The following CPED1 variants were observed in gnomAD, a reference collection of about 807,000 sequenced individuals.
CPED1 encodes the protein cadherin-like and PC-esterase domain-containing protein 1.
Under a neutral mutation model 128.2 loss-of-function variants are expected in CPED1, and 114 were observed. That is an observed-to-expected ratio of 0.89 (90% CI 0.76 to 1.04). CPED1 has a LOEUF of 1.04. Among genes scored for constraint, CPED1 ranks in the 50% least tolerant of loss-of-function variants. The probability of loss-of-function intolerance (pLI) is 0.00; values close to 1 mark genes in which losing one functional copy is unlikely to be tolerated. For missense variants in CPED1, 1,211 were observed against 1,207.1 expected (o/e 1.00, Z -0.05); for synonymous variants, 462 against 426.7 (o/e 1.08, Z -1.02).
intron 16 of CPED1, among the ~76,000 whole-genome samples, chr7:121,223,857 T>A (rs1282492102): frequency 6.6e-6 from 1 of 152,094 alleles, no homozygotes; most frequent in Non-Finnish European, 1.5e-5. Context: ...CTTTTCTTTT[T>A]TATTAGTCTT....
chr7:120,996,381 T>G (rs114734029), intron 2 of CPED1, among the ~76,000 whole-genome samples: 3 of 152,196 alleles, frequency 2.0e-5, no homozygotes, highest in Non-Finnish European at 4.4e-5. Flanking sequence ...TTTGTGAGTA[T>G]ACAGTTAAGT....
At chr7:121,236,867 A>T in intron 17 of CPED1, 36 bp downstream of exon 17, 1 of 1,193,418 alleles carries the variant, frequency 8.4e-7, no homozygotes, top group South Asian at 1.4e-5. Flanking sequence ...CTCTAAAAAA[A>T]GAATAATTTG....
intron 3 of CPED1, among the ~76,000 whole-genome samples, chr7:121,038,773 G>C (rs1563001426): frequency 6.6e-6 from 1 of 151,938 alleles, no homozygotes; most frequent in African/African-American, 2.4e-5. Context: ...GACCTTGACA[G>C]TTTTGAGAGG....
intron 3 of CPED1, among the ~76,000 whole-genome samples, chr7:121,040,614 T>A (rs192077429): frequency 7.9e-5 from 12 of 152,210 alleles, no homozygotes; most frequent in Non-Finnish European, 1.5e-4. Context: ...AAAGGATGGA[T>A]ACAGGTAAAT....
At chr7:121,201,480 GAGAC>G (rs1374790525) in intron 16 of CPED1, among the ~76,000 whole-genome samples, 3 of 151,036 alleles carry the variant, frequency 2.0e-5, no homozygotes, top group Non-Finnish European at 3.0e-5. Flanking sequence ...GGGAGAGTGA[GAGAC>G]AGAGAGAGAG....
chr7:121,271,279 A>G lies in CPED1; in HGVS notation c.2722-5A>G. On this transcript the variant is annotated splice_region_variant and splice_polypyrimidine_tract_variant and intron_variant, in intron 21 of 22. Transcript: ENST00000310396. Reference sequence around the variant, plus strand: ...AAAATTCTCATTCTTCTGCTTTCCAATCAGAGTGAAGTACAGAACTTATGG... The same window carrying G: ...AAAATTCTCATTCTTCTGCTTTCCAGTCAGAGTGAAGTACAGAACTTATGG... The G allele has an allele frequency of 1.2e-6, 2 of 1,600,334 alleles. No individual in the cohort carries two copies. Among genetic ancestry groups the G allele is most frequent in the Non-Finnish European group, 1.7e-6 (2 of 1,172,520 alleles).
chr7:121,233,623 C>G (rs1798186049), intron 16 of CPED1, among the ~76,000 whole-genome samples: 2 of 152,064 alleles, frequency 1.3e-5, no homozygotes, highest in Non-Finnish European at 2.9e-5. Flanking sequence ...GACCAAATTG[C>G]TGATCATCCC....
chr7:121,022,926 GA>G (rs1007869789), intron 3 of CPED1, among the ~76,000 whole-genome samples: 5 of 149,870 alleles, frequency 3.3e-5, no homozygotes, highest in East Asian at 1.9e-4. Context: ...TACTTCTCTA[GA>G]AAAAAAAGAC....
At chr7:120,993,074 T>C (rs2116730330) in intron 2 of CPED1, among the ~76,000 whole-genome samples, 1 of 152,382 alleles carries the variant, frequency 6.6e-6, no homozygotes, top group African/African-American at 2.4e-5. Context: ...TCACTTCTTC[T>C]GAGTTTTCTC....
intron 18 of CPED1, among the ~76,000 whole-genome samples, chr7:121,265,150 G>C (rs556885641): frequency 6.6e-6 from 1 of 152,130 alleles, no homozygotes; most frequent in East Asian, 1.9e-4. Context: ...ACTAACATAA[G>C]GAAAAGCAGA....
At chr7:121,107,391 C>G (rs1795004446) in intron 7 of CPED1, among the ~76,000 whole-genome samples, 1 of 151,974 alleles carries the variant, frequency 6.6e-6, no homozygotes, top group South Asian at 2.1e-4. Context: ...AATCTACTTG[C>G]CTAAATCTTT....
intron 16 of CPED1, among the ~76,000 whole-genome samples, chr7:121,199,405 C>T (rs1197115245): frequency 1.3e-5 from 2 of 151,716 alleles, no homozygotes; most frequent in African/African-American, 2.4e-5. Context: ...TAGGGCTGAG[C>T]GCGGTGGCTC....
At chr7:121,015,185 C>T (rs1005985973) in intron 2 of CPED1, among the ~76,000 whole-genome samples, 1 of 152,166 alleles carries the variant, frequency 6.6e-6, no homozygotes. Flanking sequence ...CACTGTTTAT[C>T]TACAAAGAGC....
At chr7:121,226,437 A>G (rs1798015476) in intron 16 of CPED1, among the ~76,000 whole-genome samples, 1 of 152,094 alleles carries the variant, frequency 6.6e-6, no homozygotes, top group Non-Finnish European at 1.5e-5. Flanking sequence ...TCTAAGAATT[A>G]CAAAATATTT....
chr7:121,027,321 T>C (rs1792617012), intron 3 of CPED1, among the ~76,000 whole-genome samples: 1 of 152,192 alleles, frequency 6.6e-6, no homozygotes, highest in Non-Finnish European at 1.5e-5. Context: ...TCTCCCCTTT[T>C]GTATTATAAA....
At chr7:121,288,876 C>G (rs923089904) in intron 22 of CPED1, among the ~76,000 whole-genome samples, 2 of 152,080 alleles carry the variant, frequency 1.3e-5, no homozygotes, top group African/African-American at 4.8e-5. Context: ...ATTTCAAGGT[C>G]GAATGTTATA....
At chr7:120,997,271 A>G (rs1448314570) in intron 2 of CPED1, among the ~76,000 whole-genome samples, 2 of 152,250 alleles carry the variant, frequency 1.3e-5, no homozygotes, top group Non-Finnish European at 2.9e-5. Flanking sequence ...AGAATGTTAG[A>G]ACTGCAAATA....
intron 7 of CPED1, among the ~76,000 whole-genome samples, chr7:121,114,901 A>G (rs903334604): frequency 5.9e-5 from 9 of 152,242 alleles, no homozygotes; most frequent in Admixed American, 4.6e-4. Flanking sequence ...GCATAAACGT[A>G]TGCGCATGCA....
At chr7:121,210,159 A>G (rs1797610427) in intron 16 of CPED1, among the ~76,000 whole-genome samples, 1 of 152,012 alleles carries the variant, frequency 6.6e-6, no homozygotes, top group Admixed American at 6.6e-5. Context: ...ACAGGTAATA[A>G]CAAAGGGAGG....
Sources: gnomAD v4.1 joint callset for allele counts (sites outside exome capture counted in the v4.1 genomes callset) on GRCh38, gnomAD v4.1.1 for gene constraint, MANE v1.5 for transcripts, NCBI Gene and HGNC (gene_info 2026-07-23, HGNC 2026-07-21) for gene names.